Variants in OSBPL9 observed in about 807,000 individuals in gnomAD.
OSBPL9 encodes the protein oxysterol binding protein like 9, also known as oxysterol-binding protein-related protein 9.
OSBPL9 carries 40 observed loss-of-function variants against 106.6 expected under a neutral mutation model. The ratio of observed to expected loss-of-function variants is 0.38; its 90% CI spans 0.29 to 0.49. The LOEUF is 0.49. Among genes scored for constraint, OSBPL9 ranks in the 20% least tolerant of loss-of-function variants. The pLI is 0.97. For missense variants in OSBPL9, 609 were observed against 887.2 expected (o/e 0.69, Z 3.98); for synonymous variants, 269 against 295.4 (o/e 0.91, Z 0.92).
the OSBPL9 span, among the ~76,000 whole-genome samples, chr1:51,539,595 GA>G: frequency 6.6e-6 from 1 of 152,022 alleles, no homozygotes; most frequent in Non-Finnish European, 1.5e-5. Flanking sequence ...TATGTGCCAG[GA>G]ACTGTTTTAC....
chr1:51,751,738 T>A (rs374075583), intron 8 of OSBPL9, among the ~76,000 whole-genome samples: 2 of 152,096 alleles, frequency 1.3e-5, no homozygotes, highest in Non-Finnish European at 2.9e-5. Context: ...CCAGTTTGGG[T>A]GATCTCTGAA....
At chr1:51,685,488 A>G (rs905384758) in intron 3 of OSBPL9, among the ~76,000 whole-genome samples, 5 of 151,892 alleles carry the variant, frequency 3.3e-5, no homozygotes, top group Non-Finnish European at 7.4e-5. Flanking sequence ...GCTCACTGCA[A>G]CCTCCACCTC....
chr1:51,711,832 G>C (rs950393382), intron 3 of OSBPL9, among the ~76,000 whole-genome samples: 2 of 150,676 alleles, frequency 1.3e-5, no homozygotes, highest in African/African-American at 4.9e-5. Context: ...GGGCAGAGAC[G>C]CTCCTCACTT....
At position 51,703,120 on chromosome 1, in the gene OSBPL9, T is replaced by C. The variant is rs186315497; in HGVS notation, c.242-10883T>C. Among the ~76,000 whole-genome samples the C allele has an allele frequency of 3.9e-3, 592 of 152,332 alleles. 5 individuals carry two copies. Among genetic ancestry groups the C allele is most frequent in the Middle Eastern group, 6.8e-3 (2 of 294 alleles). On this transcript the variant is annotated intron_variant, in intron 3 of 23. Transcript: ENST00000428468. ...TTTTTGCTTAGGATTGACTTGGCAA[T>C]GTGGGCTCTTTTTTGGTTCCATATG...
At chr1:51,551,172 T>C in the OSBPL9 span, among the ~76,000 whole-genome samples, 1 of 152,202 alleles carries the variant, frequency 6.6e-6, no homozygotes, top group Non-Finnish European at 1.5e-5. Context: ...CCCCAAATTG[T>C]ACCAACCTCA....
the OSBPL9 span, among the ~76,000 whole-genome samples, chr1:51,564,129 A>G: frequency 6.6e-6 from 1 of 151,418 alleles, no homozygotes; most frequent in Non-Finnish European, 1.5e-5. Flanking sequence ...GGGGGTCCAG[A>G]GTGCTGTCAG....
At chr1:51,737,419 A>C (rs1665930859) in intron 4 of OSBPL9, among the ~76,000 whole-genome samples, 2 of 152,112 alleles carry the variant, frequency 1.3e-5, no homozygotes, top group East Asian at 3.8e-4. Flanking sequence ...TTAAAAAATT[A>C]AACAACATGA....
intron 3 of OSBPL9, among the ~76,000 whole-genome samples, chr1:51,674,834 C>T (rs1224442937): frequency 6.6e-6 from 1 of 152,208 alleles, no homozygotes. Context: ...CTTTTGCCTT[C>T]CCTGGGCCAC....
chr1:51,702,396 C>T lies in OSBPL9; in HGVS notation c.242-11607C>T, dbSNP rs559523342. ...TTTTGATTTGCATTTCTCTGATGGC[C>T]AGTGATGATGAGCATTTTTTCACGT... On this transcript the variant is annotated intron_variant, in intron 3 of 23. Transcript: ENST00000428468. Among the ~76,000 whole-genome samples, 822 of 152,284 alleles carry T rather than the reference C, an allele frequency of 5.4e-3. 3 individuals are homozygous for T. Among genetic ancestry groups the T allele is most frequent in the Non-Finnish European group, 8.4e-3 (572 of 68,028 alleles).
chr1:51,769,772 TACTG>T (rs775515845), intron 12 of OSBPL9, among the ~76,000 whole-genome samples: 1 of 152,314 alleles, frequency 6.6e-6, no homozygotes, highest in Non-Finnish European at 1.5e-5. Context: ...TTTACAGTCT[TACTG>T]AGTATTTCAC....
intron 2 of OSBPL9, among the ~76,000 whole-genome samples, chr1:51,666,876 G>A (rs1357464014): frequency 6.6e-6 from 1 of 152,228 alleles, no homozygotes; most frequent in Non-Finnish European, 1.5e-5. Flanking sequence ...ATAAGAGTCT[G>A]TGCTTCAGAA....
chr1:51,630,183 T>C (rs2148650952), intron 1 of OSBPL9, among the ~76,000 whole-genome samples: 1 of 152,238 alleles, frequency 6.6e-6, no homozygotes, highest in South Asian at 2.1e-4. Context: ...TTTTCTGTGA[T>C]AGATAATGAG....
At chr1:51,641,192 G>A (rs1051699093) in intron 1 of OSBPL9, among the ~76,000 whole-genome samples, 3 of 152,132 alleles carry the variant, frequency 2.0e-5, no homozygotes, top group Admixed American at 6.5e-5. Context: ...CAGGCAGACC[G>A]CTGTGTGATT....
chr1:51,528,264 T>C, the OSBPL9 span, among the ~76,000 whole-genome samples: 1 of 152,096 alleles, frequency 6.6e-6, no homozygotes, highest in African/African-American at 2.4e-5. Flanking sequence ...ATCTTGTATA[T>C]ATAGAAAATC....
intron 3 of OSBPL9, among the ~76,000 whole-genome samples, chr1:51,713,553 T>C (rs979378474): frequency 6.6e-6 from 1 of 152,210 alleles, no homozygotes; most frequent in Non-Finnish European, 1.5e-5. Context: ...TGACAAGCTT[T>C]TAAGTGCATT....
At chr1:51,706,714 G>T (rs866645123) in intron 3 of OSBPL9, among the ~76,000 whole-genome samples, 1 of 149,672 alleles carries the variant, frequency 6.7e-6, no homozygotes, top group Admixed American at 6.7e-5. Context: ...TGCATTTAAG[G>T]CTACAAATTT....
chr1:51,611,386 A>G (rs1643987157), intron 2 of OSBPL9, among the ~76,000 whole-genome samples: 1 of 152,194 alleles, frequency 6.6e-6, no homozygotes, highest in South Asian at 2.1e-4. Context: ...CCTTAATAAA[A>G]CAACACTGTA....
At chr1:51,661,422 A>G (rs1449452447) in intron 2 of OSBPL9, among the ~76,000 whole-genome samples, 1 of 152,204 alleles carries the variant, frequency 6.6e-6, no homozygotes, top group African/African-American at 2.4e-5. Flanking sequence ...GTGTATAGAA[A>G]AAAAACGAAA....
At chr1:51,691,505 C>T (rs561757114) in intron 3 of OSBPL9, among the ~76,000 whole-genome samples, 78 of 151,998 alleles carry the variant, frequency 5.1e-4, no homozygotes, top group Non-Finnish European at 9.1e-4. Context: ...TAAGGCTGGT[C>T]TCGAACGCCT....
Sources: gnomAD v4.1 joint callset for allele counts (sites outside exome capture counted in the v4.1 genomes callset) on GRCh38, gnomAD v4.1.1 for gene constraint, MANE v1.5 for transcripts, NCBI Gene and HGNC (gene_info 2026-07-23, HGNC 2026-07-21) for gene names.